Variants in TRIM9 observed in about 807,000 individuals in gnomAD.
TRIM9 encodes tripartite motif containing 9.
A neutral mutation model predicts 78.3 loss-of-function variants in TRIM9; 26 were observed. That is an observed-to-expected ratio of 0.33 (90% CI 0.24 to 0.46). The LOEUF (loss-of-function observed/expected upper bound fraction) is 0.46. Among genes scored for constraint, TRIM9 ranks in the 20% least tolerant of loss-of-function variants. The pLI is 1.00. For missense variants in TRIM9, 787 were observed against 1,036.4 expected (o/e 0.76, Z 3.30); for synonymous variants, 398 against 416.5 (o/e 0.96, Z 0.54).
intron 1 of TRIM9, among the ~76,000 whole-genome samples, chr14:51,049,557 G>A (rs1290566108): frequency 6.6e-6 from 1 of 152,182 alleles, no homozygotes; most frequent in East Asian, 1.9e-4. Flanking sequence ...GCCGGGCGCA[G>A]TGGCTCATGC....
chr14:51,035,963 C>T (rs986953130), intron 1 of TRIM9, among the ~76,000 whole-genome samples: 10 of 152,212 alleles, frequency 6.6e-5, no homozygotes, highest in Admixed American at 3.9e-4. Context: ...CAGCCTGTAT[C>T]TTTGCCACTG....
At chr14:51,086,344 T>C (rs775865136) in intron 1 of TRIM9, among the ~76,000 whole-genome samples, 18 of 139,900 alleles carry the variant, frequency 1.3e-4, no homozygotes, top group Non-Finnish European at 2.4e-4. Context: ...GAAGATTAAA[T>C]GAGAAAATGC....
At chr14:51,017,330 G>A (rs919110765) in intron 3 of TRIM9, among the ~76,000 whole-genome samples, 6 of 152,150 alleles carry the variant, frequency 3.9e-5, no homozygotes, top group African/African-American at 7.2e-5. Context: ...GGTTTTAATC[G>A]AGAAAAGGAT....
intron 1 of TRIM9, among the ~76,000 whole-genome samples, chr14:51,086,496 T>A (rs997022743): frequency 2.6e-5 from 4 of 152,260 alleles, no homozygotes; most frequent in African/African-American, 9.6e-5. Flanking sequence ...TATTGCTAGT[T>A]ATTAGTCTTC....
At chr14:51,067,610 C>T (rs1472851365) in intron 1 of TRIM9, among the ~76,000 whole-genome samples, 1 of 152,156 alleles carries the variant, frequency 6.6e-6, no homozygotes, top group Non-Finnish European at 1.5e-5. Context: ...CTTTCTGTCC[C>T]TTTCATTCCT....
intron 2 of TRIM9, 141 bp downstream of exon 2, chr14:51,025,124 T>C: frequency 1.3e-6 from 1 of 756,676 alleles, no homozygotes; most frequent in South Asian, 1.7e-5. Context: ...TCTCTATGTG[T>C]TTGTATGTAA....
chr14:51,089,299 G>A (rs1427185891), intron 1 of TRIM9: 1 of 152,146 alleles, frequency 6.6e-6, no homozygotes, highest in Non-Finnish European at 1.5e-5. Flanking sequence ...TCTTGTTATA[G>A]GTTCTTCTAT....
chr14:51,083,653 A>C (rs181016644), intron 1 of TRIM9, among the ~76,000 whole-genome samples: 47 of 151,280 alleles, frequency 3.1e-4, no homozygotes, highest in Non-Finnish European at 5.5e-4. Context: ...GAAATCTTGG[A>C]GTTACAAAAT....
chr14:51,003,789 C>G (rs1220571157), intron 5 of TRIM9, among the ~76,000 whole-genome samples: 1 of 152,146 alleles, frequency 6.6e-6, no homozygotes, highest in Non-Finnish European at 1.5e-5. Flanking sequence ...TTGCATCTGT[C>G]TGAATCTATT....
intron 1 of TRIM9, among the ~76,000 whole-genome samples, chr14:51,066,743 G>A (rs1384561649): frequency 6.6e-6 from 1 of 152,248 alleles, no homozygotes; most frequent in Non-Finnish European, 1.5e-5. Flanking sequence ...ATGAGGTGCA[G>A]AAAACGGAAG....
intron 3 of TRIM9, among the ~76,000 whole-genome samples, chr14:51,015,204 C>T (rs2057022758): frequency 6.6e-6 from 1 of 152,164 alleles, no homozygotes; most frequent in African/African-American, 2.4e-5. Flanking sequence ...TCTTTGAATT[C>T]TCAGACATTG....
intron 7 of TRIM9, among the ~76,000 whole-genome samples, chr14:50,989,821 C>T (rs2053252135): frequency 6.6e-6 from 1 of 152,138 alleles, no homozygotes; most frequent in Non-Finnish European, 1.5e-5. Context: ...TCCTCTTGCT[C>T]TTTCCTGGAC....
intron 5 of TRIM9, among the ~76,000 whole-genome samples, chr14:51,006,389 C>T (rs563008847): frequency 3.3e-5 from 5 of 152,170 alleles, no homozygotes; most frequent in South Asian, 2.1e-4. Flanking sequence ...AGAAGATGAA[C>T]GCCACAACAG....
rs747906315 is a variant in TRIM9 at position 51,000,667 on chromosome 14, T to C, written c.1464+16A>G. 9.9e-6 allele frequency: 16 copies of C among 1,613,876 alleles called. No individual in the cohort carries two copies. Among genetic ancestry groups the C allele is most frequent in the East Asian group, 2.2e-5 (1 of 44,874 alleles). ...CTGCTTTGGGTTAACAAGTACGTAG[T>C]GGGCTGTCTACTGACCCGGAATTGA... On this transcript the variant is annotated intron_variant, in intron 6 of 12. Transcript: ENST00000684578.
intron 1 of TRIM9, among the ~76,000 whole-genome samples, chr14:51,077,296 G>A (rs569511559): frequency 2.2e-4 from 33 of 152,044 alleles, no homozygotes; most frequent in Middle Eastern, 6.9e-3. Flanking sequence ...AGGTGACACA[G>A]TGGCCAAGAT....
intron 1 of TRIM9, among the ~76,000 whole-genome samples, chr14:51,075,233 A>G (rs113006546): frequency 3.1e-3 from 473 of 152,266 alleles, no homozygotes; most frequent in African/African-American, 9.0e-3. Flanking sequence ...TGTCTACCCT[A>G]TTTAGCCACT....
chr14:51,055,128 C>T (rs987886693), intron 1 of TRIM9, among the ~76,000 whole-genome samples: 1 of 152,190 alleles, frequency 6.6e-6, no homozygotes, highest in East Asian at 1.9e-4. Context: ...GGCCCTTATA[C>T]TCATTTTTAT....
intron 1 of TRIM9, among the ~76,000 whole-genome samples, chr14:51,086,733 GA>G (rs1668639420): frequency 6.6e-6 from 1 of 152,168 alleles, no homozygotes; most frequent in African/African-American, 2.4e-5. Context: ...ACAGGGCTGG[GA>G]AGAGAGTCTG....
rs1042567234 is a variant in TRIM9 at position 50,995,189 on chromosome 14, T to C, written c.1603+2861A>G. ...TCTTAATAGCATGTTCTTTATAATTTCCATTGAATTTAATTAATTTTTATT... is the reference window on the plus strand; with the variant it reads ...TCTTAATAGCATGTTCTTTATAATTCCCATTGAATTTAATTAATTTTTATT... On this transcript the variant is annotated intron_variant, in intron 7 of 12. Transcript: ENST00000684578. Among the ~76,000 whole-genome samples, 4 of 152,208 alleles carry C rather than the reference T, an allele frequency of 2.6e-5. No homozygotes were observed. In the South Asian group the frequency reaches 8.3e-4, roughly 31 times the overall value.
Sources: allele counts gnomAD v4.1 joint callset (sites outside exome capture counted in the v4.1 genomes callset), GRCh38; gene constraint gnomAD v4.1.1; transcripts MANE v1.5; gene names NCBI Gene and HGNC (gene_info 2026-07-23, HGNC 2026-07-21).